TMEM72: variants seen among roughly 807,000 people sequenced by gnomAD.
TMEM72 encodes transmembrane protein 72.
In TMEM72, 9 loss-of-function variants were observed where a neutral mutation model predicts 16.3. The observed-to-expected ratio is 0.55, with a 90% confidence interval of 0.33 to 0.96. The LOEUF (loss-of-function observed/expected upper bound fraction) is 0.96, where lower values mean the gene tolerates loss of function less well. Among genes scored for constraint, TMEM72 ranks in the 40% least tolerant of loss-of-function variants. The probability of loss-of-function intolerance (pLI) is 0.03; values close to 1 mark genes in which losing one functional copy is unlikely to be tolerated. For missense variants in TMEM72, 324 were observed against 337.8 expected, an observed-to-expected ratio of 0.96 and a Z score of 0.32; for synonymous variants, 160 against 146.5, an observed-to-expected ratio of 1.09 and a Z score of -0.66.
chr10:44,936,397 T>C lies in TMEM72; in HGVS notation c.*1263T>C, dbSNP rs1193896974. 6.6e-6 allele frequency: 1 copy of C among 152,230 alleles called. No homozygotes were observed. Among genetic ancestry groups the C allele is most frequent in the African/African-American group, 2.4e-5 (1 of 41,452 alleles). The allele number at this position is 152,230 out of a possible 1,614,324, so 9.4% of individuals were successfully genotyped here. ...TCTAATGAGAAACTTGTGTTTGTGC[T>C]TGCACACGTTTCAATGTTCCCTACA... On this transcript the variant is annotated 3_prime_UTR_variant, in exon 5 of 5. Transcript: ENST00000389583.
intron 1 of TMEM72, 92 bp from the exon 2 acceptor site, chr10:44,927,829 G>C: frequency 7.7e-7 from 1 of 1,294,848 alleles, no homozygotes. Context: ...TCCCCAGGAA[G>C]AAGACTCACT....
chr10:44,932,467 C>T (rs984354903), intron 3 of TMEM72, among the ~76,000 whole-genome samples: 16 of 152,314 alleles, frequency 1.1e-4, no homozygotes, highest in African/African-American at 3.6e-4. Flanking sequence ...TCTGTCTCTT[C>T]CTAGGGCCCG....
intron 1 of TMEM72, among the ~76,000 whole-genome samples, chr10:44,916,241 C>T (rs957046599): frequency 1.3e-5 from 2 of 152,138 alleles, no homozygotes. Flanking sequence ...GTCAGGCTGA[C>T]GTGCTGTTTC....
chr10:44,923,779 C>T (rs1417132024), intron 1 of TMEM72, among the ~76,000 whole-genome samples: 4 of 152,178 alleles, frequency 2.6e-5, no homozygotes, highest in Non-Finnish European at 4.4e-5. Flanking sequence ...AATGGCAGGG[C>T]ATGCCTTCTG....
At chr10:44,930,240 A>G (rs1363131731) in intron 2 of TMEM72, among the ~76,000 whole-genome samples, 1 of 152,144 alleles carries the variant, frequency 6.6e-6, no homozygotes, top group Non-Finnish European at 1.5e-5. Flanking sequence ...CTGCCACTCA[A>G]TAGCACCAGA....
In TMEM72 at chr10:44,918,778, G is replaced by A. The variant is rs1016289713; in HGVS notation, c.70+7196G>A. Among the ~76,000 whole-genome samples, 17 of 152,100 alleles carry A rather than the reference G, an allele frequency of 1.1e-4. 1 individual carries two copies. The highest frequency in any genetic ancestry group is 4.1e-4 in the African/African-American group (17 of 41,382). ...CCCAACATGATTGTATTAGGAGGTA[G>A]GGCCTTCTCTGAATGGAAATAATGC... On this transcript the variant is annotated intron_variant, in intron 1 of 4. Coordinates refer to ENST00000389583, the MANE Select transcript of TMEM72 (RefSeq NM_001123376.3).
intron 1 of TMEM72, among the ~76,000 whole-genome samples, chr10:44,922,000 GA>G (rs1840106914): frequency 6.6e-6 from 1 of 152,182 alleles, no homozygotes; most frequent in African/African-American, 2.4e-5. Flanking sequence ...TAGTCTTAGG[GA>G]GAACACCTCC....
At chr10:44,913,955 G>A (rs755561626) in intron 1 of TMEM72, among the ~76,000 whole-genome samples, 23 of 152,192 alleles carry the variant, frequency 1.5e-4, no homozygotes, top group Non-Finnish European at 3.1e-4. Flanking sequence ...TGTGACCCAA[G>A]GGCACTCAGA....
intron 1 of TMEM72, among the ~76,000 whole-genome samples, chr10:44,914,900 G>C (rs1392261659): frequency 6.6e-6 from 1 of 152,154 alleles, no homozygotes; most frequent in African/African-American, 2.4e-5. Flanking sequence ...TAACCTCAGG[G>C]GAATCTTGAA....
chr10:44,913,452 G>A (rs979466347), intron 1 of TMEM72, among the ~76,000 whole-genome samples: 4 of 148,788 alleles, frequency 2.7e-5, no homozygotes, highest in Non-Finnish European at 6.0e-5. Context: ...CCATGTGCAC[G>A]CACACACACA....
At chr10:44,931,768 G>A (rs944314797) in intron 2 of TMEM72, 4 of 536,910 alleles carry the variant, frequency 7.5e-6, no homozygotes, top group Non-Finnish European at 1.0e-5. Flanking sequence ...TGCTGGCCAC[G>A]GTGCCCTCCC....
chr10:44,915,108 C>T (rs1839995043), intron 1 of TMEM72, among the ~76,000 whole-genome samples: 1 of 152,196 alleles, frequency 6.6e-6, no homozygotes, highest in African/African-American at 2.4e-5. Context: ...TGTGCATGGG[C>T]TTCCCCATAA....
chr10:44,924,662 A>G (rs1444142583), intron 1 of TMEM72, among the ~76,000 whole-genome samples: 1 of 152,242 alleles, frequency 6.6e-6, no homozygotes, highest in African/African-American at 2.4e-5. Flanking sequence ...TGCATCCAGG[A>G]ACACGAACCC....
intron 2 of TMEM72, 98 bp from the exon 3 acceptor site, chr10:44,931,900 G>A (rs1840302755): frequency 4.1e-6 from 5 of 1,219,734 alleles, no homozygotes; most frequent in Admixed American, 4.1e-5. Flanking sequence ...TCCATTGGCT[G>A]TAGATGTGAT....
chr10:44,931,805 C>A, intron 2 of TMEM72, 193 bp from the exon 3 acceptor site: 2 of 608,766 alleles, frequency 3.3e-6, no homozygotes, highest in Non-Finnish European at 5.7e-6. Context: ...CCAGACCCCA[C>A]CTCTCCCCAG....
rs143438039 is a variant in TMEM72 at position 44,929,168 on chromosome 10, C to A, written c.137+1181C>A. Among the ~76,000 whole-genome samples, 944 of 152,206 alleles carry A rather than the reference C, an allele frequency of 6.2e-3. 9 individuals are homozygous for A. Among genetic ancestry groups the A allele is most frequent in the Middle Eastern group, 0.027 (8 of 292 alleles). ...GACCCTTTTTTTCCCCAGACAATGT[C>A]TTTTCTTCTCCACTACCAGCTACCT... On this transcript the variant is annotated intron_variant, in intron 2 of 4. Coordinates refer to ENST00000389583, the MANE Select transcript of TMEM72 (RefSeq NM_001123376.3).
chr10:44,914,849 G>C (rs1839990980), intron 1 of TMEM72, among the ~76,000 whole-genome samples: 1 of 152,196 alleles, frequency 6.6e-6, no homozygotes, highest in Non-Finnish European at 1.5e-5. Flanking sequence ...TAGGAAAGCA[G>C]GGTTGGCTTC....
intron 1 of TMEM72, among the ~76,000 whole-genome samples, chr10:44,924,494 C>A (rs544469043): frequency 2.6e-5 from 4 of 151,488 alleles, no homozygotes; most frequent in Non-Finnish European, 5.9e-5. Context: ...CACAGAAGAC[C>A]AGGTGGGCCT....
chr10:44,911,460 G>A lies in TMEM72; in HGVS notation c.-53G>A. 4.6e-6 allele frequency: 7 copies of A among 1,537,512 alleles called. No homozygotes were observed. Among genetic ancestry groups the A allele is most frequent in the Non-Finnish European group, 6.1e-6 (7 of 1,138,236 alleles). ...CAAGGGTGTTCGGGAGCATCTCAGG[G>A]CCGAAGACTTTGCTGCCTGCCCTGC... On this transcript the variant is annotated 5_prime_UTR_variant, in exon 1 of 5. Transcript: ENST00000389583.
Sources: allele counts gnomAD v4.1 joint callset (sites outside exome capture counted in the v4.1 genomes callset), GRCh38; gene constraint gnomAD v4.1.1; transcripts MANE v1.5; gene names NCBI Gene and HGNC (gene_info 2026-07-23, HGNC 2026-07-21).